The following LAMP1 variants were observed in gnomAD, a reference collection of about 807,000 sequenced individuals.
The protein encoded by LAMP1 is lysosome-associated membrane glycoprotein 1.
A neutral mutation model predicts 37.5 loss-of-function variants in LAMP1; 7 were observed. The ratio of observed to expected loss-of-function variants is 0.19; its 90% CI spans 0.11 to 0.35. The LOEUF is 0.35. Ranked by LOEUF, LAMP1 falls within the 10% of genes least tolerant of loss-of-function variation. The pLI is 1.00. For missense variants in LAMP1, 537 were observed against 552.8 expected (o/e 0.97, Z 0.29); for synonymous variants, 236 against 229.1 (o/e 1.03, Z -0.27).
Position 113,310,855 on chromosome 13 carries a change from T to G in LAMP1, c.550T>G (p.Phe184Val). ...CCAGGCGTACCTTTCCAACAGCAGC[T>G]TCAGCCGGGGAGGTAGGACGCTGAC... ...TIQAYLSNSS[F>V]SRGETRCEQD... Residue 184 changes from phenylalanine to valine, a missense_variant, in exon 4 of 9, where the codon TTC (phenylalanine) becomes GTC (valine). Coordinates refer to ENST00000332556, the MANE Select transcript of LAMP1 (RefSeq NM_005561.4). 6.2e-7 allele frequency: 1 copy of G among 1,613,294 alleles called. No individual in the cohort carries two copies. Among genetic ancestry groups the G allele is most frequent in the Non-Finnish European group, 8.5e-7 (1 of 1,179,858 alleles).
At chr13:113,301,641 AAAAATATATATATATATATAT>A (rs1468318078) in intron 1 of LAMP1, among the ~76,000 whole-genome samples, 1,190 of 30,416 alleles carry the variant, frequency 0.039, 91 homozygotes, top group African/African-American at 0.17. Context: ...AAAAAAAAAA[AAAAATATATATATATATATAT>A]ATATATATAT....
At position 113,321,463 on chromosome 13, in the gene LAMP1, C is replaced by T. The variant is rs184805902; in HGVS notation, c.936C>T (p.Asp312=). The part of the protein sequence containing the change: ...QGIQLNTILP[D]ARDPAFKAAN... ...TCCAGTTGAATACAATTCTTCCTGA[C>T]GCCAGAGGTGAGAACCCACAATCTC... Residue 312 remains aspartate, a synonymous_variant, in exon 7 of 9, where the codon GAC becomes GAT. Transcript: ENST00000332556. The surrounding 1 kb of genome is among the most constrained non-coding windows in gnomAD (Gnocchi z 5.6). 157 of 1,614,102 alleles carry T rather than the reference C, an allele frequency of 9.7e-5. No individual in the cohort carries two copies. Among genetic ancestry groups the T allele is most frequent in the African/African-American group, 1.1e-4 (8 of 75,052 alleles).
intron 1 of LAMP1, 96 bp from the exon 2 acceptor site, chr13:113,306,389 T>C: frequency 8.0e-7 from 1 of 1,254,342 alleles, no homozygotes; most frequent in East Asian, 2.5e-5. Flanking sequence ...AATCTTGTAA[T>C]AAAAGCCATC....
intron 1 of LAMP1, among the ~76,000 whole-genome samples, chr13:113,300,772 C>G (rs1330947189): frequency 6.6e-6 from 1 of 152,258 alleles, no homozygotes; most frequent in Non-Finnish European, 1.5e-5. Flanking sequence ...GAGCCGAGAT[C>G]GTGCCACTGC....
intron 2 of LAMP1, among the ~76,000 whole-genome samples, chr13:113,309,423 T>G (rs889944367): frequency 6.6e-6 from 1 of 152,202 alleles, no homozygotes; most frequent in Non-Finnish European, 1.5e-5. Context: ...TTATATGAAT[T>G]ATTAAGCCAA....
Position 113,306,614 on chromosome 13 carries a change from A to T in LAMP1, c.183+8A>T. ...ACCAAGAGTGGCCCTAAGGTAGGAAACACCAGGGCACTTCATGCTTCCCTT... is the reference window on the plus strand; with the variant it reads ...ACCAAGAGTGGCCCTAAGGTAGGAATCACCAGGGCACTTCATGCTTCCCTT... On this transcript the variant is annotated splice_region_variant and intron_variant, in intron 2 of 8. Transcript: ENST00000332556. The T allele has an allele frequency of 6.2e-7, 1 of 1,609,982 alleles. No individual in the cohort carries two copies. Among genetic ancestry groups the T allele is most frequent in the Non-Finnish European group, 8.5e-7 (1 of 1,178,350 alleles).
Position 113,297,278 on chromosome 13 carries a change from C to A in LAMP1, c.-157C>A, listed in dbSNP as rs555433438. The A allele has an allele frequency of 5.8e-5, 10 of 172,422 alleles. No homozygotes were observed. Among genetic ancestry groups the A allele is most frequent in the Non-Finnish European group, 7.3e-5 (6 of 82,048 alleles). 10.7% of individuals were successfully genotyped at this position (172,422 alleles called of 1,614,324 possible). A position where few individuals can be genotyped will look rare whatever the true frequency, so the allele number is the denominator to read the frequency against. On this transcript the variant is annotated 5_prime_UTR_variant, in exon 1 of 9. Coordinates refer to ENST00000332556, the MANE Select transcript of LAMP1 (RefSeq NM_005561.4). The surrounding 1 kb of genome is among the most constrained non-coding windows in gnomAD (Gnocchi z 4.4). Reference sequence around the variant, plus strand: ...GCCGGCCGCGGTGTCTTCTTCGTGCCGGCGTCGCAGTGGCCGGGCCTCTTG... The same window carrying A: ...GCCGGCCGCGGTGTCTTCTTCGTGCAGGCGTCGCAGTGGCCGGGCCTCTTG...
At chr13:113,307,957 C>CA (rs56212251) in intron 2 of LAMP1, among the ~76,000 whole-genome samples, 10,546 of 53,806 alleles carry the variant, frequency 0.2, 385 homozygotes, top group Non-Finnish European at 0.28. Context: ...AGACCATCTC[C>CA]AAAAAAAAAA....
intron 4 of LAMP1, 49 bp from the exon 5 acceptor site, chr13:113,319,420 G>A: frequency 6.7e-7 from 1 of 1,502,080 alleles, no homozygotes; most frequent in Non-Finnish European, 9.0e-7. Flanking sequence ...TGTAACTGCT[G>A]ATGGTTATGA....
At position 113,320,822 on chromosome 13, in the gene LAMP1, G is replaced by A. The variant is rs1384567731; in HGVS notation, c.876+352G>A. On this transcript the variant is annotated intron_variant, in intron 6 of 8. Transcript: ENST00000332556. This position sits in a 1 kb window ranked among gnomAD's most constrained non-coding sequence, Gnocchi z 4.4. ...TGCAGTTAGCAACATAAGACATGAA[G>A]CATATAATTGTCACTTGTCAGTCTT... 3.6e-6 allele frequency: 1 copy of A among 274,114 alleles called. No individual in the cohort carries two copies. Among genetic ancestry groups the A allele is most frequent in the African/African-American group, 2.2e-5 (1 of 46,168 alleles). 17.0% of individuals were successfully genotyped at this position (274,114 alleles called of 1,614,324 possible). A position where few individuals can be genotyped will look rare whatever the true frequency, so the allele number is the denominator to read the frequency against.
chr13:113,321,867 A>C lies in LAMP1; in HGVS notation c.1114+140A>C, dbSNP rs1485507026. 1.2e-6 allele frequency: 1 copy of C among 819,630 alleles called. No homozygotes were observed. The highest frequency in any genetic ancestry group is 1.9e-6 in the Non-Finnish European group (1 of 529,032). 50.8% of individuals were successfully genotyped at this position (819,630 alleles called of 1,614,324 possible). A position where few individuals can be genotyped will look rare whatever the true frequency, so the allele number is the denominator to read the frequency against. On this transcript the variant is annotated intron_variant, in intron 8 of 8. Transcript: ENST00000332556. The surrounding 1 kb of genome is among the most constrained non-coding windows in gnomAD (Gnocchi z 5.6). ...GGAGCTGTTTCTTCTTGCCGGTCTG[A>C]GATTCTAGAGGTAACTCCCCCTGCT...
chr13:113,319,529 C>G lies in LAMP1; in HGVS notation c.623C>G (p.Pro208Arg). 6.2e-7 allele frequency: 1 copy of G among 1,614,018 alleles called. No individual in the cohort carries two copies. Among genetic ancestry groups the G allele is most frequent in the Non-Finnish European group, 8.5e-7 (1 of 1,180,002 alleles). ...PTTAPPAPPS[P>R]SPSPVPKSPS... is the part of the protein sequence containing the mutation. ...ACAGCGCCCCCTGCGCCACCCAGCC[C>G]CTCGCCCTCACCCGTGCCCAAGAGC... Residue 208 changes from proline to arginine, a missense_variant, in exon 5 of 9, where the codon CCC becomes CGC. Coordinates refer to ENST00000332556, the MANE Select transcript of LAMP1 (RefSeq NM_005561.4).
intron 4 of LAMP1, among the ~76,000 whole-genome samples, chr13:113,311,170 TAGAG>T (rs1286364457): frequency 6.6e-6 from 1 of 150,756 alleles, no homozygotes; most frequent in African/African-American, 2.4e-5. Context: ...GGGGGGCGGG[TAGAG>T]AGAGAGGTGA....
chr13:113,301,858 CTTTTTT>C (rs539321614), intron 1 of LAMP1, among the ~76,000 whole-genome samples: 3 of 74,310 alleles, frequency 4.0e-5, no homozygotes, highest in Admixed American at 1.8e-4. Flanking sequence ...GATGTGATTT[CTTTTTT>C]TTTTTTTTTT....
rs574923963 is a variant in LAMP1 at position 113,303,126 on chromosome 13, C to T, written c.62-3359C>T. On this transcript the variant is annotated intron_variant, in intron 1 of 8. Transcript: ENST00000332556. ...CCGGGCACCAAATGCTCAGCTGCTC[C>T]GACAGCCCTGAGGCCTTGGCACTCT... 5.9e-5 allele frequency among the ~76,000 whole-genome samples: 9 copies of T among 152,314 alleles called. No homozygotes were observed. In the South Asian group the frequency reaches 8.3e-4, roughly 14 times the overall value.
chr13:113,317,172 C>G (rs1272218218), intron 4 of LAMP1, among the ~76,000 whole-genome samples: 2 of 152,300 alleles, frequency 1.3e-5, no homozygotes, highest in African/African-American at 2.4e-5. Context: ...CTGTGTGCTG[C>G]TCTCCGGAGG....
In LAMP1 at chr13:113,320,097, G is replaced by A. The variant is rs1450465596; in HGVS notation, c.751-248G>A. Among the ~76,000 whole-genome samples, 1 of 152,184 alleles carries A rather than the reference G, an allele frequency of 6.6e-6. No homozygotes were observed. Among genetic ancestry groups the A allele is most frequent in the Non-Finnish European group, 1.5e-5 (1 of 68,022 alleles). ...GGGTGAGTTTGCAGGGCTGACTGCT[G>A]CAGGGGGAGGTGGTGCTGCTGGTTG... is the stretch of plus-strand genomic sequence containing the variant. On this transcript the variant is annotated intron_variant, in intron 5 of 8. Coordinates refer to ENST00000332556, the MANE Select transcript of LAMP1 (RefSeq NM_005561.4). This position sits in a 1 kb window ranked among gnomAD's most constrained non-coding sequence, Gnocchi z 4.4.
At position 113,322,924 on chromosome 13, in the gene LAMP1, G is replaced by T. The variant is rs887864720; in HGVS notation, c.*503G>T. On this transcript the variant is annotated 3_prime_UTR_variant, in exon 9 of 9. Coordinates refer to ENST00000332556, the MANE Select transcript of LAMP1 (RefSeq NM_005561.4). ...CATATCATTTGAGTTTAGGGTTCTG[G>T]TGTTTGGTTTCTTCATTCTTTACTG... The T allele has an allele frequency of 6.3e-6, 1 of 158,336 alleles. No homozygotes were observed. The highest frequency in any genetic ancestry group is 2.4e-5 in the African/African-American group (1 of 41,450). 9.8% of individuals were successfully genotyped at this position (158,336 alleles called of 1,614,324 possible).
At chr13:113,318,306 G>GA (rs1430393116) in intron 4 of LAMP1, among the ~76,000 whole-genome samples, 1 of 152,240 alleles carries the variant, frequency 6.6e-6, no homozygotes, top group African/African-American at 2.4e-5. Context: ...TGAATGTTGA[G>GA]ATGGAAGCGG....
Sources: gnomAD v4.1 joint callset for allele counts (sites outside exome capture counted in the v4.1 genomes callset) on GRCh38, gnomAD v4.1.1 for gene constraint, Gnocchi (gnomAD v3.1) non-coding constraint, MANE v1.5 for transcripts, NCBI Gene and HGNC (gene_info 2026-07-23, HGNC 2026-07-21) for gene names.